Variants in SNTG1 observed in about 807,000 individuals in gnomAD.
The protein encoded by SNTG1 is gamma-1-syntrophin.
A neutral mutation model predicts 74.7 loss-of-function variants in SNTG1; 39 were observed. The observed-to-expected ratio is 0.52, with a 90% CI of 0.40 to 0.68. SNTG1 has a LOEUF of 0.68. Ranked by LOEUF, SNTG1 falls within the 30% of genes least tolerant of loss-of-function variation. SNTG1 has a pLI of 0.00. For missense variants in SNTG1, 685 were observed against 609.5 expected (o/e 1.12, Z -1.30); for synonymous variants, 254 against 217.1 (o/e 1.17, Z -1.49).
rs372630059 is a variant in SNTG1 at position 50,626,046 on chromosome 8, T to TA, written c.850-30862dup. Among the ~76,000 whole-genome samples, 811 of 152,288 alleles carry TA rather than the reference T, an allele frequency of 5.3e-3. 12 individuals are homozygous for TA. The highest frequency in any genetic ancestry group is 0.018 in the African/African-American group (744 of 41,560). On this transcript the variant is annotated intron_variant, in intron 13 of 18. Coordinates refer to ENST00000642720, the MANE Select transcript of SNTG1 (RefSeq NM_018967.5). ...ATAAGTTGTTCAAAGTTTTTTCTGA[T>TA]ATGAGAATTCAAACCCAGGTTTGCC...
chr8:50,594,694 A>G (rs2094715210), intron 13 of SNTG1, among the ~76,000 whole-genome samples: 1 of 152,178 alleles, frequency 6.6e-6, no homozygotes, highest in Non-Finnish European at 1.5e-5. Flanking sequence ...CTATTTCTGT[A>G]GTGGTATCAG....
chr8:50,110,954 A>G lies in SNTG1; in HGVS notation c.-102-61607A>G, dbSNP rs573368862. Among the ~76,000 whole-genome samples, 8 of 152,300 alleles carry G rather than the reference A, an allele frequency of 5.3e-5. No homozygotes were observed. In the South Asian group the frequency reaches 1.5e-3, roughly 28 times the overall value. ...TAATCTAGGTATGTCCTAAACAATT[A>G]TTTGTTATTTCTATGAAATTCAAAC... On this transcript the variant is annotated intron_variant, in intron 1 of 18. Coordinates refer to ENST00000642720, the MANE Select transcript of SNTG1 (RefSeq NM_018967.5).
chr8:50,505,662 C>T (rs1411038925), intron 9 of SNTG1, among the ~76,000 whole-genome samples: 1 of 152,012 alleles, frequency 6.6e-6, no homozygotes, highest in Non-Finnish European at 1.5e-5. Flanking sequence ...TCTTTGAAGA[C>T]ATGTCTATTC....
At chr8:50,770,244 C>T (rs574731453) in intron 18 of SNTG1, among the ~76,000 whole-genome samples, 1 of 152,110 alleles carries the variant, frequency 6.6e-6, no homozygotes, top group South Asian at 2.1e-4. Context: ...TGAAATTCCA[C>T]TCTTCTGGAA....
chr8:50,123,590 C>A (rs1586374228), intron 1 of SNTG1, among the ~76,000 whole-genome samples: 1 of 142,284 alleles, frequency 7.0e-6, no homozygotes, highest in African/African-American at 2.5e-5. Context: ...CTAAGAGATG[C>A]CTATTATATG....
At chr8:50,176,510 G>A (rs754577147) in intron 2 of SNTG1, among the ~76,000 whole-genome samples, 1 of 152,144 alleles carries the variant, frequency 6.6e-6, no homozygotes, top group Non-Finnish European at 1.5e-5. Context: ...GGATCTGACT[G>A]CAAAAGCTTC....
intron 1 of SNTG1, among the ~76,000 whole-genome samples, chr8:49,940,209 G>T (rs140794645): frequency 8.5e-5 from 13 of 152,258 alleles, no homozygotes; most frequent in Non-Finnish European, 1.2e-4. Context: ...GCACCAAAAG[G>T]TAGTCAGCTA....
intron 1 of SNTG1, among the ~76,000 whole-genome samples, chr8:50,063,791 A>C (rs203950): frequency 0.87 from 131,877 of 152,140 alleles, 57,292 homozygotes; most frequent in East Asian, 0.99. Context: ...AAAGCAATTT[A>C]ACTTTCACAA....
chr8:50,264,348 G>T (rs916428765), intron 2 of SNTG1, among the ~76,000 whole-genome samples: 1 of 151,878 alleles, frequency 6.6e-6, no homozygotes, highest in African/African-American at 2.4e-5. Flanking sequence ...CGGGAAGATC[G>T]TTTGAGGTCA....
intron 2 of SNTG1, among the ~76,000 whole-genome samples, chr8:50,313,767 A>C (rs2090208487): frequency 1.3e-5 from 2 of 149,964 alleles, no homozygotes; most frequent in Non-Finnish European, 2.9e-5. Flanking sequence ...AAACAGACAT[A>C]AAAAACAATG....
chr8:50,248,783 T>C lies in SNTG1; in HGVS notation c.-28+76148T>C, dbSNP rs543731784. Among the ~76,000 whole-genome samples the C allele has an allele frequency of 2.2e-4, 33 of 152,318 alleles. 1 individual carries two copies. In the South Asian group the frequency reaches 6.8e-3, roughly 32 times the overall value. ...AAATAAAGATGGTGGTGCTGCTGATTATGATATTAGCAATAATTCATATTT... is the reference window on the plus strand; with the variant it reads ...AAATAAAGATGGTGGTGCTGCTGATCATGATATTAGCAATAATTCATATTT... On this transcript the variant is annotated intron_variant, in intron 2 of 18. Transcript: ENST00000642720.
chr8:50,134,405 T>C (rs1586419696), intron 1 of SNTG1, among the ~76,000 whole-genome samples: 1 of 151,976 alleles, frequency 6.6e-6, no homozygotes, highest in African/African-American at 2.4e-5. Flanking sequence ...TAAGATAAAA[T>C]AAAAAGAGAG....
At chr8:50,640,050 A>G (rs1378617207) in intron 13 of SNTG1, among the ~76,000 whole-genome samples, 3 of 152,178 alleles carry the variant, frequency 2.0e-5, no homozygotes, top group African/African-American at 7.2e-5. Flanking sequence ...AATTTGACAA[A>G]TTGCTTGAGA....
At chr8:49,914,689 G>C (rs111900298) in intron 1 of SNTG1, among the ~76,000 whole-genome samples, 4 of 152,094 alleles carry the variant, frequency 2.6e-5, no homozygotes, top group African/African-American at 9.7e-5. Flanking sequence ...TTTCAATCAA[G>C]TTCAAACATT....
At chr8:50,162,528 C>G (rs1211877564) in intron 1 of SNTG1, among the ~76,000 whole-genome samples, 1 of 144,972 alleles carries the variant, frequency 6.9e-6, no homozygotes, top group African/African-American at 2.6e-5. Flanking sequence ...CGCCACTGCA[C>G]TCCAGCCTGG....
intron 18 of SNTG1, among the ~76,000 whole-genome samples, chr8:50,788,453 G>T (rs868733653): frequency 1.4e-4 from 21 of 152,064 alleles, no homozygotes; most frequent in South Asian, 4.2e-4. Flanking sequence ...TGATGACTTA[G>T]TTGGCTCTCA....
In SNTG1 at chr8:50,622,809, A is replaced by AAAAT. The variant is rs749038249; in HGVS notation, c.849+31893_849+31894insAATA. ...TAGCAGATGAAATTTCTAAGAACAT[A>AAAAT]ATAAAATAGAAATCTTTAAATAGTT... On this transcript the variant is annotated intron_variant, in intron 13 of 18. Transcript: ENST00000642720. Among the ~76,000 whole-genome samples the AAAAT allele has an allele frequency of 8.1e-3, 1,231 of 152,010 alleles. 18 individuals are homozygous for AAAAT. The highest frequency in any genetic ancestry group is 0.045 in the South Asian group (218 of 4,822).
intron 8 of SNTG1, among the ~76,000 whole-genome samples, chr8:50,494,516 C>G (rs1356578095): frequency 4.6e-5 from 7 of 151,874 alleles, no homozygotes; most frequent in Non-Finnish European, 1.0e-4. Context: ...GTTCCTGATG[C>G]TTTTTCAAAG....
At chr8:50,515,366 GACA>G (rs1032780104) in intron 9 of SNTG1, among the ~76,000 whole-genome samples, 2 of 145,346 alleles carry the variant, frequency 1.4e-5, no homozygotes, top group African/African-American at 2.5e-5. Context: ...CATTTGGGCA[GACA>G]ACAAGCTAGC....
Sources: allele counts gnomAD v4.1 joint callset (sites outside exome capture counted in the v4.1 genomes callset), GRCh38; gene constraint gnomAD v4.1.1; transcripts MANE v1.5; gene names NCBI Gene and HGNC (gene_info 2026-07-23, HGNC 2026-07-21).